CSGALNACT1: variants seen among roughly 807,000 people sequenced by gnomAD.
CSGALNACT1 encodes beta4GalNAcT-1.
A neutral mutation model predicts 51.0 loss-of-function variants in CSGALNACT1; 52 were observed. The ratio of observed to expected loss-of-function variants is 1.02; its 90% CI spans 0.82 to 1.29. The LOEUF is 1.29. Among genes scored for constraint, CSGALNACT1 ranks in the 50% most tolerant of loss-of-function variants. The pLI is 0.00. For missense variants in CSGALNACT1, 935 were observed against 679.2 expected, an observed-to-expected ratio of 1.38 and a Z score of -4.19; for synonymous variants, 341 against 254.4, an observed-to-expected ratio of 1.34 and a Z score of -3.24.
rs535408534 is a variant in CSGALNACT1, at chr8:19,627,912, G to T, written c.-543-26047C>A. Among the ~76,000 whole-genome samples, 4 of 152,296 alleles carry T rather than the reference G, an allele frequency of 2.6e-5. No individual in the cohort carries two copies. In the East Asian group the frequency reaches 7.7e-4, roughly 29 times the overall value. On this transcript the variant is annotated intron_variant, in intron 1 of 9. Coordinates refer to the CSGALNACT1 transcript ENST00000332246. ...TTAATAGTGTTGAAACAATATCCAT[G>T]TCTTGGTCTTGATAAAGTACTATAA... is the stretch of plus-strand genomic sequence containing the variant.
intron 1 of CSGALNACT1, among the ~76,000 whole-genome samples, chr8:19,659,774 C>T (rs1379719604): frequency 6.6e-6 from 1 of 152,200 alleles, no homozygotes; most frequent in Non-Finnish European, 1.5e-5. Flanking sequence ...TGGCATGCAG[C>T]TCAGAGCACT....
intron 3 of CSGALNACT1, among the ~76,000 whole-genome samples, chr8:19,538,710 G>A (rs910357912): frequency 6.6e-6 from 1 of 152,110 alleles, no homozygotes; most frequent in African/African-American, 2.4e-5. Context: ...AAGACAAGCT[G>A]GAGATGGCTG....
chr8:19,726,250 G>T (rs1187808654), intron 1 of CSGALNACT1, among the ~76,000 whole-genome samples: 1 of 151,944 alleles, frequency 6.6e-6, no homozygotes, highest in Admixed American at 6.5e-5. Context: ...ATAATATATA[G>T]AGCCTTTGAT....
chr8:19,443,086 G>A (rs1160855488), intron 5 of CSGALNACT1, among the ~76,000 whole-genome samples: 1 of 152,176 alleles, frequency 6.6e-6, no homozygotes, highest in Non-Finnish European at 1.5e-5. Context: ...ACCCTCCTGG[G>A]GCCAGACCTC....
At chr8:19,465,856 C>CA (rs397891467) in intron 4 of CSGALNACT1, among the ~76,000 whole-genome samples, 5 of 152,006 alleles carry the variant, frequency 3.3e-5, no homozygotes, top group African/African-American at 4.8e-5. Context: ...GATAAACCCC[C>CA]ACTGAAGGAT....
chr8:19,589,881 T>C (rs1377633505), intron 3 of CSGALNACT1, among the ~76,000 whole-genome samples: 1 of 152,222 alleles, frequency 6.6e-6, no homozygotes, highest in Non-Finnish European at 1.5e-5. Flanking sequence ...GTGGAAAGAA[T>C]ATGTGAAAAA....
At chr8:19,661,312 TAG>T (rs1262151509) in intron 1 of CSGALNACT1, among the ~76,000 whole-genome samples, 1 of 152,204 alleles carries the variant, frequency 6.6e-6, no homozygotes, top group African/African-American at 2.4e-5. Context: ...GGACTCTGCC[TAG>T]AGCATGTGAA....
intron 1 of CSGALNACT1, among the ~76,000 whole-genome samples, chr8:19,621,898 G>A (rs1226993191): frequency 1.3e-5 from 2 of 152,194 alleles, no homozygotes; most frequent in African/African-American, 4.8e-5. Flanking sequence ...ACAATTTTTT[G>A]TGCTATTCAC....
At chr8:19,667,366 G>A (rs886297935) in intron 1 of CSGALNACT1, among the ~76,000 whole-genome samples, 1 of 151,784 alleles carries the variant, frequency 6.6e-6, no homozygotes, top group Non-Finnish European at 1.5e-5. Flanking sequence ...AGCCCAGGAG[G>A]TTGAGGCTGA....
intron 1 of CSGALNACT1, among the ~76,000 whole-genome samples, chr8:19,755,929 T>C (rs2065344802): frequency 6.6e-6 from 1 of 152,248 alleles, no homozygotes; most frequent in Non-Finnish European, 1.5e-5. Flanking sequence ...GGCCCGTCTC[T>C]TGCTTTCTAG....
At chr8:19,496,247 G>T (rs570190085) in intron 4 of CSGALNACT1, among the ~76,000 whole-genome samples, 1 of 152,162 alleles carries the variant, frequency 6.6e-6, no homozygotes, top group Non-Finnish European at 1.5e-5. Flanking sequence ...AAAGAACGCC[G>T]TTTCTTTAAA....
At chr8:19,681,589 TA>T (rs1464021550) in intron 1 of CSGALNACT1, among the ~76,000 whole-genome samples, 1 of 152,162 alleles carries the variant, frequency 6.6e-6, no homozygotes, top group Non-Finnish European at 1.5e-5. Context: ...AATCTAAAAA[TA>T]ACAAACAGAC....
chr8:19,427,271 A>C (rs1321138359), intron 6 of CSGALNACT1, among the ~76,000 whole-genome samples: 1 of 152,224 alleles, frequency 6.6e-6, no homozygotes. Flanking sequence ...AATGGTCACA[A>C]TGCAGGCATC....
intron 5 of CSGALNACT1, among the ~76,000 whole-genome samples, chr8:19,448,856 A>T (rs994991639): frequency 1.3e-5 from 2 of 152,210 alleles, no homozygotes; most frequent in East Asian, 3.8e-4. Context: ...TGATGTTCCC[A>T]AACTCTATCT....
intron 6 of CSGALNACT1, among the ~76,000 whole-genome samples, chr8:19,427,072 T>C (rs1262216591): frequency 6.6e-6 from 1 of 152,178 alleles, no homozygotes; most frequent in African/African-American, 2.4e-5. Context: ...GAACATGTTA[T>C]CATCCAATTT....
At chr8:19,425,402 A>AC (rs981834836) in intron 6 of CSGALNACT1, among the ~76,000 whole-genome samples, 8 of 152,212 alleles carry the variant, frequency 5.3e-5, no homozygotes, top group Non-Finnish European at 1.2e-4. Context: ...CTGTAACTTC[A>AC]CAACCCCGTG....
chr8:19,427,277 G>A (rs552433263), intron 6 of CSGALNACT1, among the ~76,000 whole-genome samples: 1 of 152,172 alleles, frequency 6.6e-6, no homozygotes, highest in Non-Finnish European at 1.5e-5. Flanking sequence ...CACAATGCAG[G>A]CATCAGCTGA....
At chr8:19,518,186 T>G (rs1356729871) in intron 3 of CSGALNACT1, among the ~76,000 whole-genome samples, 1 of 152,116 alleles carries the variant, frequency 6.6e-6, no homozygotes, top group Non-Finnish European at 1.5e-5. Flanking sequence ...ATAGTAAGGG[T>G]ATGGGAGTCC....
At chr8:19,630,885 C>A (rs1365002632) in intron 1 of CSGALNACT1, among the ~76,000 whole-genome samples, 1 of 152,162 alleles carries the variant, frequency 6.6e-6, no homozygotes, top group Non-Finnish European at 1.5e-5. Flanking sequence ...CAGACACCCG[C>A]CTCCCTACAG....
Sources: gnomAD v4.1 joint callset for allele counts (sites outside exome capture counted in the v4.1 genomes callset) on GRCh38, gnomAD v4.1.1 for gene constraint, MANE v1.5 for transcripts, NCBI Gene and HGNC (gene_info 2026-07-23, HGNC 2026-07-21) for gene names.